MAP7D2: variants seen among roughly 807,000 people sequenced by gnomAD.
MAP7D2 encodes MAP7 domain containing 2.
In MAP7D2, 33 loss-of-function variants were observed where a neutral mutation model predicts 63.5. The observed-to-expected ratio is 0.52, with a 90% CI of 0.39 to 0.70. The LOEUF (loss-of-function observed/expected upper bound fraction) is 0.70. Among genes scored for constraint, MAP7D2 ranks in the 30% least tolerant of loss-of-function variants. The pLI is 0.00. For missense variants in MAP7D2, 626 were observed against 604.0 expected (o/e 1.04, Z -0.38); for synonymous variants, 224 against 223.7 (o/e 1.00, Z -0.01).
intron 4 of MAP7D2, among the ~76,000 whole-genome samples, chrX:20,053,384 A>G (rs1774880801): frequency 8.9e-6 from 1 of 111,843 alleles, no homozygotes; most frequent in Admixed American, 9.5e-5. Flanking sequence ...AAAACGCCCT[A>G]TGGTCTGACT....
intron 1 of MAP7D2, among the ~76,000 whole-genome samples, chrX:20,086,507 T>G (rs1018084039): frequency 1.1e-4 from 12 of 111,696 alleles, no homozygotes; most frequent in African/African-American, 3.9e-4. Context: ...TCAAAGGAGA[T>G]CTGAAGTTTT....
At chrX:20,107,849 A>T (rs765258132) in intron 1 of MAP7D2, among the ~76,000 whole-genome samples, 1 of 111,585 alleles carries the variant, frequency 9.0e-6, no homozygotes, top group East Asian at 2.8e-4. Flanking sequence ...TAGTTTTTGT[A>T]GTTTTTTCAC....
chrX:20,057,635 T>A (rs1209223901), intron 3 of MAP7D2, among the ~76,000 whole-genome samples: 1 of 111,975 alleles, frequency 8.9e-6, no homozygotes, highest in African/African-American at 3.3e-5. Flanking sequence ...ACACTGCAAA[T>A]ACCAACTCCT....
rs767609336 is a variant in MAP7D2, at chrX:20,034,204, G to A, written c.1008-8252C>T. ...TGAGCCACTGCACTCCAGACTGGGC[G>A]ACAGAGTGAGACCCTGTCTCCAAAA... On this transcript the variant is annotated intron_variant, in intron 8 of 16. Coordinates refer to ENST00000379643, the MANE Select transcript of MAP7D2 (RefSeq NM_001168465.2). 7.5e-5 allele frequency among the ~76,000 whole-genome samples: 6 copies of A among 80,129 alleles called. No homozygotes were observed. The East Asian group carries it at 2.3e-3, about 30-fold the overall frequency. The allele number at this position is 80,129 out of a possible 115,157, so 69.6% of individuals were successfully genotyped here.
chrX:20,075,891 A>G (rs2065630379), intron 1 of MAP7D2, among the ~76,000 whole-genome samples: 1 of 111,285 alleles, frequency 9.0e-6, no homozygotes, highest in Non-Finnish European at 1.9e-5. Context: ...CAAGAGCAGA[A>G]CCAGGTGGTT....
At chrX:20,049,971 T>C in intron 6 of MAP7D2, 1 of 249,684 alleles carries the variant, frequency 4.0e-6, no homozygotes, top group South Asian at 4.2e-5. Context: ...ATTAGCTATC[T>C]GTACAACTTA....
intron 1 of MAP7D2, among the ~76,000 whole-genome samples, chrX:20,100,369 A>G (rs2066397100): frequency 8.9e-6 from 1 of 111,895 alleles, no homozygotes; most frequent in Admixed American, 9.5e-5. Context: ...ACTCTCATGC[A>G]CTGTGGTGGG....
chrX:20,058,813 G>T (rs1265801044), intron 3 of MAP7D2, among the ~76,000 whole-genome samples: 1 of 112,426 alleles, frequency 8.9e-6, no homozygotes, highest in East Asian at 2.8e-4. Flanking sequence ...AAGTCAGAAT[G>T]GGGTGATTCA....
chrX:20,029,144 C>T (rs894910308), intron 8 of MAP7D2, among the ~76,000 whole-genome samples: 7 of 112,388 alleles, frequency 6.2e-5, no homozygotes, highest in East Asian at 2.8e-4. Context: ...GGCTCTGCTT[C>T]GGGGGTCCCT....
intron 1 of MAP7D2, among the ~76,000 whole-genome samples, chrX:20,114,982 G>C (rs892925074): frequency 9.0e-6 from 1 of 111,705 alleles, no homozygotes; most frequent in Non-Finnish European, 1.9e-5. Flanking sequence ...AACAACAAAT[G>C]GTGGTATCAC....
chrX:20,029,943 A>AG (rs985050638), intron 8 of MAP7D2, among the ~76,000 whole-genome samples: 1 of 112,307 alleles, frequency 8.9e-6, no homozygotes, highest in African/African-American at 3.2e-5. Flanking sequence ...AAAAGTGCTA[A>AG]GCACAGGTAT....
intron 1 of MAP7D2, among the ~76,000 whole-genome samples, chrX:20,088,552 C>T (rs1433129353): frequency 1.0e-5 from 1 of 95,932 alleles, no homozygotes; most frequent in Non-Finnish European, 2.1e-5. Flanking sequence ...CTCAAACTCC[C>T]GGGCTCAAGC....
chrX:20,035,176 G>T (rs1288832417), intron 8 of MAP7D2, among the ~76,000 whole-genome samples: 1 of 111,992 alleles, frequency 8.9e-6, no homozygotes, highest in Admixed American at 9.5e-5. Context: ...TTAAGTGAGT[G>T]AATGAAAGAG....
rs183850203 is a variant in MAP7D2 at position 20,079,646 on chromosome X, G to A, written c.131-14841C>T. ...GGGTAAATTCCTTAACATCTCAGAG[G>A]TTTAAATTCCTCTTCTATAAAATAG... On this transcript the variant is annotated intron_variant, in intron 1 of 16. Transcript: ENST00000379643. Among the ~76,000 whole-genome samples the A allele has an allele frequency of 1.6e-3, 180 of 111,944 alleles. 5 individuals are homozygous for A. The Admixed American group carries it at 0.017, about 11-fold the overall frequency.
At chrX:20,058,431 C>T (rs2065120297) in intron 3 of MAP7D2, among the ~76,000 whole-genome samples, 1 of 112,223 alleles carries the variant, frequency 8.9e-6, no homozygotes, top group Admixed American at 9.4e-5. Context: ...AAGGACCTCA[C>T]AAAGTGGTCC....
At chrX:20,044,558 G>C (rs756205177) in intron 6 of MAP7D2, 34 bp from the exon 7 acceptor site, 3 of 1,162,874 alleles carry the variant, frequency 2.6e-6, no homozygotes, top group South Asian at 3.6e-5. Flanking sequence ...CAGAAGGACA[G>C]AGAGTACAGA....
chrX:20,094,524 A>ATATATATG (rs2066178430), intron 1 of MAP7D2, among the ~76,000 whole-genome samples: 1 of 14,849 alleles, frequency 6.7e-5, no homozygotes, highest in Non-Finnish European at 9.6e-5. Context: ...ATGTATATAT[A>ATATATATG]TATATATATA....
intron 1 of MAP7D2, among the ~76,000 whole-genome samples, chrX:20,085,306 G>A (rs957055446): frequency 4.5e-5 from 5 of 112,127 alleles, no homozygotes; most frequent in African/African-American, 9.7e-5. Flanking sequence ...GTAAAAACCC[G>A]TAAGTACTGA....
chrX:20,059,274 G>A lies in MAP7D2; in HGVS notation c.373-2483C>T, dbSNP rs1336710457. ...TAAAATCCTGGGGTTTATCCCCAGA[G>A]TTTCTGAGTCAATAGGTCTGGGGTG... On this transcript the variant is annotated intron_variant, in intron 3 of 16. Coordinates refer to ENST00000379643, the MANE Select transcript of MAP7D2 (RefSeq NM_001168465.2). 3.6e-5 allele frequency among the ~76,000 whole-genome samples: 4 copies of A among 111,782 alleles called. No homozygotes were observed. In the Admixed American group the frequency reaches 3.8e-4, roughly 11 times the overall value.
Sources: allele counts gnomAD v4.1 joint callset (sites outside exome capture counted in the v4.1 genomes callset), GRCh38; gene constraint gnomAD v4.1.1; transcripts MANE v1.5; gene names NCBI Gene and HGNC (gene_info 2026-07-23, HGNC 2026-07-21).